The following PALS2 variants were observed in gnomAD, a reference collection of about 807,000 sequenced individuals.
The protein encoded by PALS2 is protein associated with LIN7 2, MAGUK p55 family member.
Under a neutral mutation model 61.6 loss-of-function variants are expected in PALS2, and 27 were observed. The ratio of observed to expected loss-of-function variants is 0.44; its 90% CI spans 0.32 to 0.60. PALS2 has a LOEUF of 0.60. Ranked by LOEUF, PALS2 falls within the 20% of genes least tolerant of loss-of-function variation. PALS2 has a pLI of 0.05. For synonymous variants in PALS2, 236 were observed against 218.6 expected (o/e 1.08, Z -0.70); for missense variants, 554 against 639.4 (o/e 0.87, Z 1.44).
chr7:24,642,148 C>G (rs1022249440), intron 3 of PALS2, among the ~76,000 whole-genome samples: 1 of 152,136 alleles, frequency 6.6e-6, no homozygotes, highest in South Asian at 2.1e-4. Context: ...CACCGTCAGA[C>G]CACATGCTGG....
Position 24,616,844 on chromosome 7 carries a change from CTCTTTG to C in PALS2, c.-2-6815_-2-6810del, listed in dbSNP as rs138574054. 1.7e-3 allele frequency among the ~76,000 whole-genome samples: 261 copies of C among 152,164 alleles called. 1 individual carries two copies. The highest frequency in any genetic ancestry group is 5.3e-3 in the African/African-American group (222 of 41,546). Reference sequence around the variant, plus strand: ...TGCTTTTCTTTTGCTGTTTTTAGAACTCTTTGTCTTTGACTTTTGACAGTTTGAGTA... The same window carrying C: ...TGCTTTTCTTTTGCTGTTTTTAGAACTCTTTGACTTTTGACAGTTTGAGTA... On this transcript the variant is annotated intron_variant, in intron 1 of 11. Coordinates refer to ENST00000222644, the MANE Select transcript of PALS2 (RefSeq NM_001303037.2).
At chr7:24,593,405 C>G (rs902524254) in intron 1 of PALS2, among the ~76,000 whole-genome samples, 2 of 152,066 alleles carry the variant, frequency 1.3e-5, no homozygotes, top group Admixed American at 6.6e-5. Context: ...ATATTTTGAC[C>G]TTCTCCCATG....
At chr7:24,643,316 A>G (rs537097873) in intron 3 of PALS2, among the ~76,000 whole-genome samples, 1 of 152,296 alleles carries the variant, frequency 6.6e-6, no homozygotes, top group South Asian at 2.1e-4. Flanking sequence ...GAAGTGTAGC[A>G]TATAAAAATT....
chr7:24,638,317 A>ATGTTCTTTTTTTTTTTTTT (rs1785340072), intron 2 of PALS2, among the ~76,000 whole-genome samples: 1 of 14,254 alleles, frequency 7.0e-5, no homozygotes, highest in Non-Finnish European at 1.1e-4. Context: ...CAATTTCTGT[A>ATGTTCTTTTTTTTTTTTTT]TTTTCTTTTT....
In PALS2 at chr7:24,666,098, T is replaced by A. The variant is rs1309459153; in HGVS notation, c.952+9T>A. 1 of 1,603,718 alleles carries A rather than the reference T, an allele frequency of 6.2e-7. No homozygotes were observed. The highest frequency in any genetic ancestry group is 1.3e-5 in the African/African-American group (1 of 74,640). ...CACAACCAGAAATGCAGGTAGGTTTTAAATACTTTTTGAGAAGTCCAAGTG... is the reference window on the plus strand; with the variant it reads ...CACAACCAGAAATGCAGGTAGGTTTAAAATACTTTTTGAGAAGTCCAAGTG... On this transcript the variant is annotated intron_variant, in intron 8 of 11. Coordinates refer to ENST00000222644, the MANE Select transcript of PALS2 (RefSeq NM_001303037.2).
intron 2 of PALS2, among the ~76,000 whole-genome samples, chr7:24,639,634 C>T (rs1429225282): frequency 6.6e-6 from 1 of 151,140 alleles, no homozygotes; most frequent in Non-Finnish European, 1.5e-5. Context: ...GCAATTCTAG[C>T]TTATTTCATA....
intron 5 of PALS2, among the ~76,000 whole-genome samples, chr7:24,660,992 A>ATTTGTACTTCCTTTTC (rs1786689367): frequency 6.6e-6 from 1 of 152,202 alleles, no homozygotes; most frequent in Admixed American, 6.5e-5. Flanking sequence ...CTTAAAAGCC[A>ATTTGTACTTCCTTTTC]TTTGTACTTC....
chr7:24,585,487 G>T (rs150499205), intron 1 of PALS2, among the ~76,000 whole-genome samples: 1,875 of 151,904 alleles, frequency 0.012, 21 homozygotes, highest in Middle Eastern at 0.027. Context: ...GGATGTTTGA[G>T]ATTAAAAAAA....
At chr7:24,653,767 A>G (rs1270663961) in intron 5 of PALS2, among the ~76,000 whole-genome samples, 1 of 152,216 alleles carries the variant, frequency 6.6e-6, no homozygotes, top group Non-Finnish European at 1.5e-5. Flanking sequence ...AAACCAAGGA[A>G]TGGTGATCTT....
chr7:24,623,602 G>A, intron 1 of PALS2, 64 bp from the exon 2 acceptor site: 1 of 991,384 alleles, frequency 1.0e-6, no homozygotes, highest in South Asian at 1.9e-5. Flanking sequence ...ATAACGGCTT[G>A]AAATTTAAGG....
At chr7:24,649,185 CAT>C (rs936647941) in intron 3 of PALS2, among the ~76,000 whole-genome samples, 20 of 152,078 alleles carry the variant, frequency 1.3e-4, no homozygotes, top group African/African-American at 4.6e-4. Context: ...ATATTACTAA[CAT>C]AGCAATGTTA....
intron 6 of PALS2, 75 bp downstream of exon 6, chr7:24,663,796 C>A: frequency 6.8e-7 from 1 of 1,461,216 alleles, no homozygotes; most frequent in Non-Finnish European, 9.4e-7. Context: ...TCTGAATAGT[C>A]AGGAAGAATA....
At chr7:24,676,191 C>T (rs556659224) in intron 9 of PALS2, among the ~76,000 whole-genome samples, 6 of 151,446 alleles carry the variant, frequency 4.0e-5, no homozygotes, top group African/African-American at 1.2e-4. Flanking sequence ...AAGTGTCTGT[C>T]CATGTCCTTC....
chr7:24,651,420 G>T (rs1217097462), intron 5 of PALS2, among the ~76,000 whole-genome samples: 1 of 152,086 alleles, frequency 6.6e-6, no homozygotes, highest in Non-Finnish European at 1.5e-5. Flanking sequence ...TACCTTCTCT[G>T]TGCTTCATTT....
chr7:24,674,075 C>G (rs1787440793), intron 9 of PALS2, among the ~76,000 whole-genome samples: 1 of 151,838 alleles, frequency 6.6e-6, no homozygotes, highest in Non-Finnish European at 1.5e-5. Flanking sequence ...ATTGTAATCC[C>G]GAATATGCAA....
At chr7:24,648,569 C>A (rs1265626308) in intron 3 of PALS2, among the ~76,000 whole-genome samples, 1 of 151,966 alleles carries the variant, frequency 6.6e-6, no homozygotes, top group African/African-American at 2.4e-5. Flanking sequence ...GCTGGTATTA[C>A]AGGCATGAGC....
rs761615532 is a variant in PALS2, at chr7:24,687,649, T to C, written c.*35T>C. The C allele has an allele frequency of 3.9e-6, 6 of 1,546,964 alleles. No individual in the cohort carries two copies. The African/African-American group carries it at 5.6e-5, about 14-fold the overall frequency. ...AAGGTTAACAATGAAAATTAAACTC[T>C]TAAAAAGTGACTGCAACAAATAAAC... On this transcript the variant is annotated 3_prime_UTR_variant, in exon 12 of 12. Coordinates refer to ENST00000222644, the MANE Select transcript of PALS2 (RefSeq NM_001303037.2). This position sits in a 1 kb window ranked among gnomAD's most constrained non-coding sequence, Gnocchi z 4.5.
At chr7:24,653,991 A>G (rs1379201331) in intron 5 of PALS2, among the ~76,000 whole-genome samples, 7 of 152,206 alleles carry the variant, frequency 4.6e-5, no homozygotes, top group African/African-American at 1.7e-4. Flanking sequence ...GAAGCTTCCA[A>G]CAGTGAGGCA....
intron 1 of PALS2, among the ~76,000 whole-genome samples, chr7:24,599,163 A>G (rs1199468278): frequency 6.6e-6 from 1 of 152,192 alleles, no homozygotes; most frequent in Non-Finnish European, 1.5e-5. Flanking sequence ...TAGATGGTAT[A>G]GTCTGTTATA....
Sources: allele counts gnomAD v4.1 joint callset (sites outside exome capture counted in the v4.1 genomes callset), GRCh38; gene constraint gnomAD v4.1.1; non-coding constraint Gnocchi (gnomAD v3.1); transcripts MANE v1.5; gene names NCBI Gene and HGNC (gene_info 2026-07-23, HGNC 2026-07-21).